Variants in ANKRD12 observed in about 807,000 individuals in gnomAD.
ANKRD12 encodes ankyrin repeat domain-containing protein 12.
A neutral mutation model predicts 183.4 loss-of-function variants in ANKRD12; 85 were observed. That is an observed-to-expected ratio of 0.46 (90% CI 0.39 to 0.56). The LOEUF (loss-of-function observed/expected upper bound fraction) is 0.56. ANKRD12 is among the 20% of genes least tolerant of loss of function. The pLI is 0.00. For missense variants in ANKRD12, 2,405 were observed against 2,357.1 expected, an observed-to-expected ratio of 1.02 and a Z score of -0.42; for synonymous variants, 914 against 800.2, an observed-to-expected ratio of 1.14 and a Z score of -2.40.
chr18:9,164,987 G>A (rs562794727), intron 1 of ANKRD12, among the ~76,000 whole-genome samples: 35 of 152,092 alleles, frequency 2.3e-4, no homozygotes, highest in Non-Finnish European at 4.1e-4. Context: ...GTCTAATATT[G>A]TCAGTGGGGT....
chr18:9,242,702 G>C (rs2037733525), intron 8 of ANKRD12, among the ~76,000 whole-genome samples: 3 of 152,092 alleles, frequency 2.0e-5, no homozygotes, highest in Non-Finnish European at 4.4e-5. Context: ...TGATAATTTA[G>C]TAGAAAGACG....
chr18:9,261,966 CTA>C (rs1177629892), intron 9 of ANKRD12, among the ~76,000 whole-genome samples: 1 of 152,180 alleles, frequency 6.6e-6, no homozygotes, highest in East Asian at 1.9e-4. Flanking sequence ...ACAACTCATG[CTA>C]AGTTTAAAGC....
intron 6 of ANKRD12, among the ~76,000 whole-genome samples, chr18:9,212,096 A>C (rs930613206): frequency 1.3e-5 from 2 of 152,090 alleles, no homozygotes; most frequent in African/African-American, 2.4e-5. Context: ...TAGTTGATTC[A>C]TTCATAAGTA....
At chr18:9,198,135 A>G (rs2034952316) in intron 3 of ANKRD12, among the ~76,000 whole-genome samples, 1 of 152,170 alleles carries the variant, frequency 6.6e-6, no homozygotes, top group African/African-American at 2.4e-5. Context: ...TTTATGTAGT[A>G]TTCTGTATTT....
At chr18:9,173,646 C>A (rs1232115720) in intron 1 of ANKRD12, among the ~76,000 whole-genome samples, 1 of 151,536 alleles carries the variant, frequency 6.6e-6, no homozygotes, top group Non-Finnish European at 1.5e-5. Context: ...CAGTACTGAC[C>A]TGTTGCCAGC....
chr18:9,161,334 C>CT (rs572705428), intron 1 of ANKRD12, among the ~76,000 whole-genome samples: 8 of 151,206 alleles, frequency 5.3e-5, no homozygotes, highest in Non-Finnish European at 8.9e-5. Flanking sequence ...CCTTTTTGTC[C>CT]TTTTTTTTCT....
chr18:9,192,036 A>G (rs2034487120), intron 2 of ANKRD12, among the ~76,000 whole-genome samples: 1 of 152,146 alleles, frequency 6.6e-6, no homozygotes, highest in Non-Finnish European at 1.5e-5. Flanking sequence ...CCACCCTGGT[A>G]CTTCCCTGTG....
intron 1 of ANKRD12, among the ~76,000 whole-genome samples, chr18:9,160,114 A>G (rs1384268433): frequency 6.6e-6 from 1 of 152,026 alleles, no homozygotes; most frequent in East Asian, 2.0e-4. Flanking sequence ...TACCAAAAAT[A>G]CAAAATATTA....
rs1365233490 is a variant in ANKRD12 at position 9,281,101 on chromosome 18, A to G, written c.6164A>G (p.Asp2055Gly). ...TATGTTCCCCTTGTTGATGTTAACG[A>G]CGACTTTGAATTGACTCCTATATAG... is the stretch of plus-strand genomic sequence containing the variant. ...EFYVPLVDVN[D>G]DFELTPI Residue 2055 changes from aspartate to glycine, a missense_variant, in exon 13 of 13, where the codon GAC becomes GGC. Physicochemically the swap from Asp to Gly is moderately conservative, Grantham distance 94 (BLOSUM62 -1). This residue lies in a region of ANKRD12 where 162 missense variants were observed against 272.2 expected (regional missense o/e 0.60). Coordinates refer to ENST00000262126, the MANE Select transcript of ANKRD12 (RefSeq NM_015208.5). The G allele has an allele frequency of 6.2e-7, 1 of 1,613,840 alleles. No homozygotes were observed. Among genetic ancestry groups the G allele is most frequent in the Non-Finnish European group, 8.5e-7 (1 of 1,179,960 alleles).
At chr18:9,180,026 CTGA>C (rs1358990723) in intron 1 of ANKRD12, among the ~76,000 whole-genome samples, 5 of 152,148 alleles carry the variant, frequency 3.3e-5, no homozygotes, top group Non-Finnish European at 7.4e-5. Flanking sequence ...ATAATCCTTG[CTGA>C]TGTTATGTCA....
rs762292529 is a variant in ANKRD12, at chr18:9,258,038, T to A, written c.4771T>A (p.Phe1591Ile). Residue 1591 changes from phenylalanine (F) to isoleucine (I), a missense_variant, in exon 9 of 13, where the codon TTT becomes ATT. Around this residue, in one of 7 missense-constraint regions of ANKRD12, gnomAD observed 1,983 missense variants for 1,725.9 expected, o/e 1.15. Coordinates refer to ENST00000262126, the MANE Select transcript of ANKRD12 (RefSeq NM_015208.5). Reference protein sequence around the residue: ...TLPVLPSEKDFNGSDASTQLN... With the variant: ...TLPVLPSEKDINGSDASTQLN... ...ACCTGTGTTACCATCAGAAAAGGAC[T>A]TTAATGGAAGTGATGCCTCTACCCA... 2 of 1,613,652 alleles carry A rather than the reference T, an allele frequency of 1.2e-6. No homozygotes were observed. The highest frequency in any genetic ancestry group is 4.5e-5 in the East Asian group (2 of 44,870).
At chr18:9,140,556 T>G (rs2078280709) in intron 1 of ANKRD12, among the ~76,000 whole-genome samples, 1 of 152,206 alleles carries the variant, frequency 6.6e-6, no homozygotes, top group Admixed American at 6.5e-5. Context: ...AAAGTAATAG[T>G]GAAAGTAATC....
chr18:9,262,217 G>A (rs1314661592), intron 9 of ANKRD12, among the ~76,000 whole-genome samples: 3 of 152,124 alleles, frequency 2.0e-5, no homozygotes, highest in Admixed American at 6.5e-5. Context: ...GATTCCTGTG[G>A]CACTACATCA....
chr18:9,264,336 T>G (rs1474925853), intron 10 of ANKRD12, among the ~76,000 whole-genome samples: 2 of 152,180 alleles, frequency 1.3e-5, no homozygotes, highest in Non-Finnish European at 2.9e-5. Context: ...AGAAAAACCT[T>G]TATCGGGTTA....
Position 9,258,207 on chromosome 18 carries a change from G to C in ANKRD12, c.4940G>C (p.Arg1647Thr). 6.2e-7 allele frequency: 1 copy of C among 1,613,858 alleles called. No individual in the cohort carries two copies. Among genetic ancestry groups the C allele is most frequent in the South Asian group, 1.1e-5 (1 of 91,074 alleles). Residue 1647 changes from arginine (R) to threonine (T), a missense_variant, in exon 9 of 13, where the codon AGG (arginine) becomes ACG (threonine). Physicochemically the swap from Arg to Thr is moderately conservative, Grantham distance 71. Around this residue, in one of 7 missense-constraint regions of ANKRD12, gnomAD observed 1,983 missense variants for 1,725.9 expected, o/e 1.15. Transcript: ENST00000262126. ...LESLVLTHLS[R>T]CDSDLCEMNA... The stretch of plus-strand genomic sequence containing the variant: ...AGTTTGGTTTTAACTCATTTGAGTA[G>C]GTGTGATTCTGATTTATGTGAAATG...
chr18:9,213,795 T>A (rs2035939955), intron 6 of ANKRD12, among the ~76,000 whole-genome samples: 1 of 151,904 alleles, frequency 6.6e-6, no homozygotes, highest in South Asian at 2.1e-4. Context: ...TAAGTTTATT[T>A]TAGTTAAAAT....
chr18:9,242,754 A>G (rs1320927941), intron 8 of ANKRD12, among the ~76,000 whole-genome samples: 5 of 152,132 alleles, frequency 3.3e-5, no homozygotes, highest in African/African-American at 1.2e-4. Flanking sequence ...ACTTGATTTT[A>G]TTTTGTATGT....
intron 1 of ANKRD12, among the ~76,000 whole-genome samples, chr18:9,167,837 T>G (rs2032249435): frequency 6.6e-6 from 1 of 152,232 alleles, no homozygotes; most frequent in Non-Finnish European, 1.5e-5. Flanking sequence ...CCATTCAGTA[T>G]GATATTGGCT....
intron 8 of ANKRD12, among the ~76,000 whole-genome samples, chr18:9,224,424 A>T (rs1235954222): frequency 1.3e-5 from 2 of 152,042 alleles, no homozygotes; most frequent in African/African-American, 4.8e-5. Flanking sequence ...TTTTTAAGCC[A>T]GCAAAATCTT....
Sources: gnomAD v4.1 joint callset for allele counts (sites outside exome capture counted in the v4.1 genomes callset) on GRCh38, gnomAD v4.1.1 for gene constraint, gnomAD v4.1.1 regional missense constraint, MANE v1.5 for transcripts, NCBI Gene and HGNC (gene_info 2026-07-23, HGNC 2026-07-21) for gene names.